The following ASB15 variants were observed in gnomAD, a reference collection of about 807,000 sequenced individuals.
ASB15 encodes the protein ankyrin repeat and SOCS box containing 15, also known as ankyrin repeat and SOCS box protein 15.
A neutral mutation model predicts 58.0 loss-of-function variants in ASB15; 54 were observed. The observed-to-expected ratio is 0.93, with a 90% CI of 0.75 to 1.17. ASB15 has a LOEUF of 1.17. ASB15 is among the 50% of genes most tolerant of loss of function. The probability of loss-of-function intolerance (pLI) is 0.00; values close to 1 mark genes in which losing one functional copy is unlikely to be tolerated. For synonymous variants in ASB15, 249 were observed against 262.4 expected (o/e 0.95, Z 0.50); for missense variants, 680 against 707.4 (o/e 0.96, Z 0.44).
Position 123,567,509 on chromosome 7 carries a change from C to T in ASB15, c.-443+421C>T, listed in dbSNP as rs78690959. ...GTGTTGGAAGAGTTAGGACTTCCTA[C>T]GCTGCTTCTCAGTGATGCAAGCTCT... On this transcript the variant is annotated intron_variant, in intron 1 of 13. Transcript: ENST00000451558. 1.8e-3 allele frequency among the ~76,000 whole-genome samples: 268 copies of T among 152,308 alleles called. 2 individuals carry two copies. In the East Asian group the frequency reaches 0.025, roughly 14 times the overall value.
Position 123,604,201 on chromosome 7 carries a change from A to G in ASB15, c.-75A>G, listed in dbSNP as rs1800023146. On this transcript the variant is annotated 5_prime_UTR_variant, in exon 2 of 12. Transcript: ENST00000451215. ...TTCTCAGTGTAGCTCTGAGAAAGAG[A>G]ACCAGAAAAAGGTAAGAGAAGTAGA... The G allele has an allele frequency of 6.6e-6, 1 of 152,126 alleles. No individual in the cohort carries two copies. Among genetic ancestry groups the G allele is most frequent in the African/African-American group, 2.4e-5 (1 of 41,410 alleles). The allele number at this position is 152,126 out of a possible 1,614,324, so 9.4% of individuals were successfully genotyped here. A position where few individuals can be genotyped will look rare whatever the true frequency, so the allele number is the denominator to read the frequency against.
intron 1 of ASB15, among the ~76,000 whole-genome samples, chr7:123,602,843 T>C (rs1041492955): frequency 6.6e-6 from 1 of 152,142 alleles, no homozygotes; most frequent in African/African-American, 2.4e-5. Flanking sequence ...AGTTAGAGTA[T>C]ACTGGTTAAG....
At chr7:123,599,246 C>T (rs1799796060), upstream of ASB15, among the ~76,000 whole-genome samples, 1 of 150,954 alleles carries the variant, frequency 6.6e-6, no homozygotes, top group African/African-American at 2.4e-5. Context: ...AAAACAACAA[C>T]AAAAAAGAAT....
In ASB15 at chr7:123,614,607, A is replaced by G; in HGVS notation, c.105A>G (p.Glu35=). 6.3e-7 allele frequency: 1 copy of G among 1,588,642 alleles called. No homozygotes were observed. The highest frequency in any genetic ancestry group is 8.6e-7 in the Non-Finnish European group (1 of 1,157,828). Residue 35 remains glutamate, a splice_region_variant and synonymous_variant, in exon 4 of 12, where the codon GAA becomes GAG. Coordinates refer to ENST00000451215, the MANE Select transcript of ASB15 (RefSeq NM_001290258.2). ...IEASKTALCP[E]RFVPLSAQNR... ...CCAGCAAGACTGCACTTTGTCCTGA[A>G]AGGTAGTATTCAAACCAACTATCCT...
At chr7:123,584,543 G>A (rs1274406326) in intron 1 of ASB15, among the ~76,000 whole-genome samples, 1 of 151,788 alleles carries the variant, frequency 6.6e-6, no homozygotes, top group African/African-American at 2.4e-5. Flanking sequence ...TTTTCTCCCT[G>A]TAATAGATTA....
chr7:123,591,015 G>A (rs147366956), intron 1 of ASB15, among the ~76,000 whole-genome samples: 20 of 152,026 alleles, frequency 1.3e-4, no homozygotes, highest in African/African-American at 4.1e-4. Context: ...GGTCCTTCAC[G>A]TCCCCTGTAA....
intron 1 of ASB15, among the ~76,000 whole-genome samples, chr7:123,589,607 G>C (rs912586939): frequency 4.6e-5 from 7 of 151,986 alleles, no homozygotes; most frequent in African/African-American, 1.7e-4. Flanking sequence ...TGCTGAGAAT[G>C]GTGGTTTCCA....
intron 1 of ASB15, among the ~76,000 whole-genome samples, chr7:123,570,628 G>A (rs17146118): frequency 0.065 from 9,880 of 152,192 alleles, 352 homozygotes; most frequent in Non-Finnish European, 0.078. Flanking sequence ...GACTCACCTT[G>A]ACAAATTATA....
At chr7:123,571,100 G>A (rs2116269111) in intron 1 of ASB15, among the ~76,000 whole-genome samples, 1 of 152,242 alleles carries the variant, frequency 6.6e-6, no homozygotes, top group Non-Finnish European at 1.5e-5. Context: ...GTTTCCACTT[G>A]TTTTTAAGGA....
intron 1 of ASB15, among the ~76,000 whole-genome samples, chr7:123,574,494 G>A (rs1799008256): frequency 6.6e-6 from 1 of 152,140 alleles, no homozygotes. Flanking sequence ...AAGTTCTCAG[G>A]TGATGATAAT....
intron 1 of ASB15, among the ~76,000 whole-genome samples, chr7:123,587,408 T>A (rs1799405898): frequency 6.6e-6 from 1 of 151,774 alleles, no homozygotes; most frequent in Non-Finnish European, 1.5e-5. Context: ...CCTGCAACTT[T>A]ACTGTAATTG....
rs558984314 is a variant in ASB15, at chr7:123,578,781, A to G, written c.-443+11693A>G. Among the ~76,000 whole-genome samples the G allele has an allele frequency of 1.4e-3, 207 of 152,280 alleles. 1 individual carries two copies. The highest frequency in any genetic ancestry group is 4.7e-3 in the African/African-American group (197 of 41,554). ...TCTTATAGATTCAGGCTACTGAATC[A>G]TTGCTATCTTTAAACTATTTTATAA... On this transcript the variant is annotated intron_variant, in intron 1 of 13. Coordinates refer to the ASB15 transcript ENST00000451558.
intron 7 of ASB15, chr7:123,621,294 G>A (rs1385326423): frequency 6.6e-6 from 1 of 152,174 alleles, no homozygotes; most frequent in Non-Finnish European, 1.5e-5. Context: ...TGGTAAGGTC[G>A]AGAGAGGACT....
rs749699178 is a variant in ASB15 at position 123,629,424 on chromosome 7, A to G, written c.1430A>G (p.Lys477Arg). The G allele has an allele frequency of 4.4e-5, 70 of 1,605,474 alleles. No homozygotes were observed. Among genetic ancestry groups the G allele is most frequent in the Middle Eastern group, 3.3e-4 (2 of 6,060 alleles). The change falls in exon 10 of 12, where the codon AAA becomes AGA. Residue 477 changes from lysine (K) to arginine (R), a missense_variant. Lys to Arg is a conservative substitution (Grantham distance 26). Transcript: ENST00000451215. ...CCAGGATGGACATCTTGTGTAATAA[A>G]AGATAACCCGGTGAGTTATGCCTTT... Reference protein sequence around the residue: ...VLPGWTSCVIKDNPFCEFITV... With the variant: ...VLPGWTSCVIRDNPFCEFITV...
chr7:123,627,327 T>C (rs1801862007), intron 9 of ASB15, 46 bp downstream of exon 9: 2 of 1,500,264 alleles, frequency 1.3e-6, no homozygotes, highest in Non-Finnish European at 1.8e-6. Flanking sequence ...AAAATGCTAA[T>C]TTGTATATAC....
chr7:123,625,329 C>A (rs554047262), intron 8 of ASB15, among the ~76,000 whole-genome samples: 2 of 152,288 alleles, frequency 1.3e-5, no homozygotes, highest in South Asian at 2.1e-4. Context: ...AGTTTCTAAC[C>A]ATTTTCTGGG....
At chr7:123,586,009 G>C (rs1167608556) in intron 1 of ASB15, among the ~76,000 whole-genome samples, 1 of 151,486 alleles carries the variant, frequency 6.6e-6, no homozygotes, top group Non-Finnish European at 1.5e-5. Context: ...TCCACCTCTT[G>C]CTTATTCTGA....
intron 1 of ASB15, among the ~76,000 whole-genome samples, chr7:123,592,557 A>C (rs550297933): frequency 1.3e-5 from 2 of 152,218 alleles, no homozygotes. Context: ...GTAGTCACTC[A>C]GGAGCAGGTT....
intron 6 of ASB15, among the ~76,000 whole-genome samples, chr7:123,616,937 C>T (rs1402051292): frequency 2.0e-5 from 3 of 152,024 alleles, no homozygotes; most frequent in African/African-American, 7.2e-5. Context: ...TGATTTTTTT[C>T]ATAATGTAAG....
Sources: gnomAD v4.1 joint callset for allele counts (sites outside exome capture counted in the v4.1 genomes callset) on GRCh38, gnomAD v4.1.1 for gene constraint, MANE v1.5 for transcripts, NCBI Gene and HGNC (gene_info 2026-07-23, HGNC 2026-07-21) for gene names.